Variants in CALD1 observed in about 807,000 individuals in gnomAD.
CALD1 encodes the protein caldesmon.
CALD1 carries 33 observed loss-of-function variants against 99.9 expected under a neutral mutation model. That is an observed-to-expected ratio of 0.33 (90% CI 0.25 to 0.44). The LOEUF is 0.44. Among genes scored for constraint, CALD1 ranks in the 20% least tolerant of loss-of-function variants. CALD1 has a pLI of 1.00. For missense variants in CALD1, 861 were observed against 962.1 expected (o/e 0.89, Z 1.39); for synonymous variants, 310 against 325.0 (o/e 0.95, Z 0.50).
intron 3 of CALD1, among the ~76,000 whole-genome samples, chr7:134,925,456 C>T (rs1388921169): frequency 2.6e-5 from 4 of 152,094 alleles, no homozygotes; most frequent in South Asian, 4.2e-4. Context: ...CTTGCACTGC[C>T]GTAAAGAACT....
chr7:134,828,006 T>A (rs932787147), intron 1 of CALD1, among the ~76,000 whole-genome samples: 2 of 152,216 alleles, frequency 1.3e-5, no homozygotes, highest in Non-Finnish European at 2.9e-5. Context: ...TGTTACTGCA[T>A]AGAAATACAA....
At chr7:134,836,963 G>A (rs1357991691) in intron 1 of CALD1, among the ~76,000 whole-genome samples, 1 of 152,046 alleles carries the variant, frequency 6.6e-6, no homozygotes, top group Non-Finnish European at 1.5e-5. Flanking sequence ...AGAAAAGGCT[G>A]CAATGATTAG....
At chr7:134,942,303 A>G (rs1205092741) in intron 7 of CALD1, among the ~76,000 whole-genome samples, 1 of 152,228 alleles carries the variant, frequency 6.6e-6, no homozygotes, top group Non-Finnish European at 1.5e-5. Flanking sequence ...GTAATATTCA[A>G]AAGCAGGCGG....
intron 3 of CALD1, chr7:134,891,612 A>G (rs771695787): frequency 5.6e-6 from 9 of 1,607,226 alleles, no homozygotes; most frequent in South Asian, 1.1e-5. Context: ...CCCCTTCCCA[A>G]CTGCGGACAT....
At position 134,836,652 on chromosome 7, in the gene CALD1, T is replaced by C. The variant is rs115186058; in HGVS notation, c.-129-7232T>C. Among the ~76,000 whole-genome samples, 1,158 of 152,346 alleles carry C rather than the reference T, an allele frequency of 7.6e-3. 21 individuals are homozygous for C. Among genetic ancestry groups the C allele is most frequent in the African/African-American group, 0.027 (1,107 of 41,576 alleles). On this transcript the variant is annotated intron_variant, in intron 1 of 14. Transcript: ENST00000361675. The stretch of plus-strand genomic sequence containing the variant: ...CATTTTTCTCAGTGTCTCTCATGCC[T>C]GTAGCCACGGGAAACTTATCAAACA...
chr7:134,731,783 G>A, the CALD1 span, among the ~76,000 whole-genome samples: 193 of 150,372 alleles, frequency 1.3e-3, 2 homozygotes, highest in Admixed American at 8.9e-3. Context: ...TTCCTTCTTC[G>A]TGACACATTT....
chr7:134,908,877 C>T (rs753991197), intron 3 of CALD1, among the ~76,000 whole-genome samples: 42 of 152,134 alleles, frequency 2.8e-4, no homozygotes, highest in Non-Finnish European at 4.6e-4. Flanking sequence ...AGATTCAGTT[C>T]GGTTGTTTAA....
chr7:134,776,877 C>A (rs573936745), upstream of CALD1, among the ~76,000 whole-genome samples: 41 of 152,218 alleles, frequency 2.7e-4, no homozygotes, highest in Middle Eastern at 3.4e-3. Flanking sequence ...TCTACATGAT[C>A]GCAAACACTC....
chr7:134,803,129 T>A (rs983798358), intron 1 of CALD1, among the ~76,000 whole-genome samples: 5 of 152,338 alleles, frequency 3.3e-5, no homozygotes, highest in South Asian at 2.1e-4. Context: ...TTTGCATTTG[T>A]CTAATGACAA....
At chr7:134,867,613 G>T in intron 2 of CALD1, 80 bp from the exon 3 acceptor site, 1 of 517,038 alleles carries the variant, frequency 1.9e-6, no homozygotes, top group East Asian at 3.3e-5. Flanking sequence ...AATGACAAAT[G>T]GGAAAGAGGG....
At chr7:134,955,876 G>A (rs991945631) in intron 9 of CALD1, among the ~76,000 whole-genome samples, 3 of 152,144 alleles carry the variant, frequency 2.0e-5, no homozygotes, top group Admixed American at 2.0e-4. Flanking sequence ...CAGGCTGGCA[G>A]GGATAAAAAT....
At chr7:134,743,979 A>G (rs1045524867), upstream of CALD1, among the ~76,000 whole-genome samples, 23 of 152,184 alleles carry the variant, frequency 1.5e-4, no homozygotes, top group African/African-American at 5.5e-4. Flanking sequence ...AAAATAGCCA[A>G]TCAGATTAGT....
At position 134,779,675 on chromosome 7, in the gene CALD1, T is replaced by C. The variant is rs968776048; in HGVS notation, c.-204T>C. The C allele has an allele frequency of 2.3e-5, 9 of 398,714 alleles. No individual in the cohort carries two copies. Among genetic ancestry groups the C allele is most frequent in the African/African-American group, 1.9e-4 (9 of 48,638 alleles). 24.7% of individuals were successfully genotyped at this position (398,714 alleles called of 1,614,324 possible). On this transcript the variant is annotated 5_prime_UTR_variant, in exon 1 of 15. Transcript: ENST00000361675. The stretch of plus-strand genomic sequence containing the variant: ...CCTGCCTGCCCGCCTGCTTGCTCTC[T>C]GGCTGTGCTCCTGCTTAAAGAAATC...
intron 3 of CALD1, among the ~76,000 whole-genome samples, chr7:134,918,851 C>T (rs914753565): frequency 6.7e-6 from 1 of 150,216 alleles, no homozygotes. Flanking sequence ...CAAAAATTAG[C>T]CAGATGTGGT....
chr7:134,944,731 G>A (rs1411221175), intron 7 of CALD1, among the ~76,000 whole-genome samples: 1 of 152,092 alleles, frequency 6.6e-6, no homozygotes, highest in Non-Finnish European at 1.5e-5. Context: ...AGTTAAGAAT[G>A]ACCTTACTAC....
intron 1 of CALD1, among the ~76,000 whole-genome samples, chr7:134,834,202 A>C (rs1799340609): frequency 6.6e-6 from 1 of 152,244 alleles, no homozygotes; most frequent in African/African-American, 2.4e-5. Context: ...CTTTGAGATT[A>C]GGACGGTTGC....
intron 1 of CALD1, among the ~76,000 whole-genome samples, chr7:134,793,701 G>A (rs888610505): frequency 3.9e-5 from 6 of 152,086 alleles, no homozygotes; most frequent in African/African-American, 1.2e-4. Flanking sequence ...TCCCTAAAAT[G>A]CAGTCCCGAA....
chr7:134,891,743 TGTA>T, intron 3 of CALD1: 1 of 725,116 alleles, frequency 1.4e-6, no homozygotes, highest in South Asian at 2.6e-5. Context: ...AACGAATTGT[TGTA>T]AAAAAAAAAA....
the CALD1 span, among the ~76,000 whole-genome samples, chr7:134,730,503 A>AG: frequency 6.6e-6 from 1 of 152,120 alleles, no homozygotes; most frequent in Non-Finnish European, 1.5e-5. Context: ...TGCAAGCACC[A>AG]CACTGTGGTG....
Sources: gnomAD v4.1 joint callset for allele counts (sites outside exome capture counted in the v4.1 genomes callset) on GRCh38, gnomAD v4.1.1 for gene constraint, MANE v1.5 for transcripts, NCBI Gene and HGNC (gene_info 2026-07-23, HGNC 2026-07-21) for gene names.